SPAG16: variants seen among roughly 807,000 people sequenced by gnomAD.
The protein encoded by SPAG16 is sperm associated antigen 16.
In SPAG16, 86 loss-of-function variants were observed where a neutral mutation model predicts 80.4. The observed-to-expected ratio is 1.07, with a 90% CI of 0.90 to 1.28. The LOEUF (loss-of-function observed/expected upper bound fraction) is 1.28. Among genes scored for constraint, SPAG16 ranks in the 50% most tolerant of loss-of-function variants. The pLI is 0.00. For missense variants in SPAG16, 870 were observed against 765.3 expected (o/e 1.14, Z -1.61); for synonymous variants, 294 against 265.9 (o/e 1.11, Z -1.03).
intron 15 of SPAG16, among the ~76,000 whole-genome samples, chr2:214,169,943 T>G (rs774642700): frequency 2.3e-4 from 35 of 152,134 alleles, no homozygotes; most frequent in Admixed American, 6.6e-4. Flanking sequence ...TCAGTAGGAC[T>G]TAGCTGGCCA....
chr2:213,536,178 G>GTT (rs1256920999), intron 10 of SPAG16, among the ~76,000 whole-genome samples: 1 of 151,704 alleles, frequency 6.6e-6, no homozygotes, highest in Non-Finnish European at 1.5e-5. Context: ...TTTTCTTCTT[G>GTT]TTTTTACTCA....
intron 10 of SPAG16, among the ~76,000 whole-genome samples, chr2:213,660,275 T>G (rs375844846): frequency 1.5e-4 from 23 of 151,682 alleles, no homozygotes; most frequent in South Asian, 1.0e-3. Flanking sequence ...TGTTGTTGTT[T>G]TTTTTTTTTT....
At chr2:214,100,753 G>A (rs1345437715) in intron 13 of SPAG16, among the ~76,000 whole-genome samples, 1 of 152,108 alleles carries the variant, frequency 6.6e-6, no homozygotes, top group Non-Finnish European at 1.5e-5. Context: ...AGTATTCATG[G>A]TGTATATGTA....
chr2:213,978,726 T>C (rs962962629), intron 12 of SPAG16, among the ~76,000 whole-genome samples: 2 of 152,122 alleles, frequency 1.3e-5, no homozygotes, highest in Admixed American at 1.3e-4. Context: ...ATAGGCACAT[T>C]GTTTTCTGGT....
At chr2:213,779,762 G>A (rs2069827523) in intron 10 of SPAG16, among the ~76,000 whole-genome samples, 1 of 152,126 alleles carries the variant, frequency 6.6e-6, no homozygotes, top group South Asian at 2.1e-4. Flanking sequence ...GCTCTTGGTA[G>A]GGATAACATC....
intron 15 of SPAG16, among the ~76,000 whole-genome samples, chr2:214,167,242 T>A (rs778344898): frequency 9.2e-5 from 14 of 152,106 alleles, no homozygotes; most frequent in Non-Finnish European, 1.8e-4. Context: ...TGGTAACTGG[T>A]GTCATTGAAT....
chr2:213,757,008 C>G (rs969697055), intron 10 of SPAG16, among the ~76,000 whole-genome samples: 4 of 152,036 alleles, frequency 2.6e-5, no homozygotes, highest in Non-Finnish European at 4.4e-5. Context: ...AAAAAGCTTA[C>G]TAGAATTAAT....
rs546502086 is a variant in SPAG16, at chr2:214,374,642, C to T, written c.1721-35498C>T. ...AAAATGCTGGAGAGGCAGCCTGCACCTGCAGCCCCAAAAGCAAATGTGTTG... is the reference window on the plus strand; with the variant it reads ...AAAATGCTGGAGAGGCAGCCTGCACTTGCAGCCCCAAAAGCAAATGTGTTG... On this transcript the variant is annotated intron_variant, in intron 15 of 15. Transcript: ENST00000331683. Among the ~76,000 whole-genome samples the T allele has an allele frequency of 2.6e-5, 4 of 152,254 alleles. No individual in the cohort carries two copies. In the East Asian group the frequency reaches 5.8e-4, roughly 22 times the overall value.
chr2:214,166,738 C>CCACTA (rs1203622535), intron 15 of SPAG16, among the ~76,000 whole-genome samples: 1 of 152,128 alleles, frequency 6.6e-6, no homozygotes, highest in Non-Finnish European at 1.5e-5. Flanking sequence ...GGCATGCTAA[C>CCACTA]CACTACAATG....
intron 15 of SPAG16, among the ~76,000 whole-genome samples, chr2:214,279,710 A>G (rs1056483231): frequency 1.3e-5 from 2 of 152,346 alleles, no homozygotes; most frequent in African/African-American, 4.8e-5. Context: ...CCATCCATCA[A>G]TAGCACAACA....
At chr2:213,547,819 T>A (rs148414420) in intron 10 of SPAG16, among the ~76,000 whole-genome samples, 65 of 152,338 alleles carry the variant, frequency 4.3e-4, no homozygotes, top group Middle Eastern at 3.4e-3. Context: ...TATTTGCCCT[T>A]ATGTACCTAA....
At chr2:213,831,811 TAATC>T (rs946100228) in intron 10 of SPAG16, among the ~76,000 whole-genome samples, 2 of 152,088 alleles carry the variant, frequency 1.3e-5, no homozygotes, top group African/African-American at 4.8e-5. Context: ...TTAATCCTCT[TAATC>T]ATATGTTGAA....
At chr2:213,801,673 A>G (rs2071414661) in intron 10 of SPAG16, among the ~76,000 whole-genome samples, 1 of 152,236 alleles carries the variant, frequency 6.6e-6, no homozygotes, top group South Asian at 2.1e-4. Context: ...CAGATGAAGC[A>G]CAATGGTAGG....
At chr2:213,928,942 C>A (rs575205786) in intron 11 of SPAG16, among the ~76,000 whole-genome samples, 45 of 138,778 alleles carry the variant, frequency 3.2e-4, no homozygotes, top group African/African-American at 1.1e-3. Context: ...CACACACACA[C>A]AAAACCAACT....
intron 15 of SPAG16, among the ~76,000 whole-genome samples, chr2:214,402,140 C>T (rs986391106): frequency 6.6e-6 from 1 of 151,920 alleles, no homozygotes; most frequent in African/African-American, 2.4e-5. Context: ...AATTATTCCT[C>T]TAACAAAAAA....
At chr2:214,026,511 A>C in intron 13 of SPAG16, among the ~76,000 whole-genome samples, 1 of 151,622 alleles carries the variant, frequency 6.6e-6, no homozygotes, top group East Asian at 1.9e-4. Context: ...CACACGTATA[A>C]GGATATGCCA....
intron 10 of SPAG16, among the ~76,000 whole-genome samples, chr2:213,640,381 G>A (rs752307426): frequency 2.3e-4 from 35 of 152,304 alleles, no homozygotes; most frequent in Non-Finnish European, 4.6e-4. Flanking sequence ...GACTATGTCA[G>A]TGGAAAGATC....
At chr2:213,918,147 G>C (rs566662734) in intron 11 of SPAG16, among the ~76,000 whole-genome samples, 2 of 152,178 alleles carry the variant, frequency 1.3e-5, no homozygotes, top group African/African-American at 4.8e-5. Flanking sequence ...TTAGTTTTTT[G>C]ATGTGCTGCT....
At chr2:213,946,297 T>A (rs1489932679) in intron 12 of SPAG16, among the ~76,000 whole-genome samples, 1 of 152,138 alleles carries the variant, frequency 6.6e-6, no homozygotes. Flanking sequence ...CTATTTTGAA[T>A]AGAGACGGGG....
Sources: allele counts gnomAD v4.1 joint callset (sites outside exome capture counted in the v4.1 genomes callset), GRCh38; gene constraint gnomAD v4.1.1; transcripts MANE v1.5; gene names NCBI Gene and HGNC (gene_info 2026-07-23, HGNC 2026-07-21).